The following RPAP2 variants were observed in gnomAD, a reference collection of about 807,000 sequenced individuals.
RPAP2 encodes putative RNA polymerase II subunit B1 CTD phosphatase RPAP2.
In RPAP2, 52 loss-of-function variants were observed where a neutral mutation model predicts 73.1. The ratio of observed to expected loss-of-function variants is 0.71; its 90% confidence interval spans 0.57 to 0.90. The LOEUF (loss-of-function observed/expected upper bound fraction) is 0.90. RPAP2 is among the 40% of genes least tolerant of loss of function. RPAP2 has a pLI of 0.00. For synonymous variants in RPAP2, 225 were observed against 242.1 expected (o/e 0.93, Z 0.65); for missense variants, 598 against 701.8 (o/e 0.85, Z 1.67).
At chr1:92,332,861 C>T (rs1303686075) in intron 8 of RPAP2, among the ~76,000 whole-genome samples, 1 of 152,094 alleles carries the variant, frequency 6.6e-6, no homozygotes, top group Non-Finnish European at 1.5e-5. Flanking sequence ...GGATCTCAGA[C>T]TGTAATTCTT....
Position 92,336,428 on chromosome 1 carries a change from G to A in RPAP2, c.1619+1G>A, listed in dbSNP as rs1653283156. ...TTAAAAATCTTGTTCGAACTTTCAG[G>A]TTAGTGTTTATATTACAATTATCCT... On this transcript the variant is annotated splice_donor_variant, in intron 10 of 12. Transcript: ENST00000610020. LOFTEE classifies it high-confidence loss of function. The A allele has an allele frequency of 6.3e-7, 1 of 1,575,868 alleles. No individual in the cohort carries two copies.
Position 92,396,644 on chromosome 1 carries a change from G to GTA in RPAP2, c.*9634_*9635insAT. The GTA allele has an allele frequency of 6.6e-6, 1 of 151,742 alleles. No homozygotes were observed. The highest frequency in any genetic ancestry group is 2.5e-5 in the African/African-American group (1 of 40,762). 9.4% of individuals were successfully genotyped at this position (151,742 alleles called of 1,614,324 possible). On this transcript the variant is annotated 3_prime_UTR_variant, in exon 13 of 13. Coordinates refer to ENST00000610020, the MANE Select transcript of RPAP2 (RefSeq NM_024813.3). ...TTTTGCACAACTTTTATGTGTGTGT[G>GTA]TGTGTGTGTGTGTGAGATGGAGTTT...
intron 5 of RPAP2, 113 bp from the exon 6 acceptor site, chr1:92,307,075 C>A: frequency 1.4e-6 from 1 of 703,888 alleles, no homozygotes; most frequent in Non-Finnish European, 2.3e-6. Flanking sequence ...GGTGGTAGAT[C>A]TGTAGGTTTC....
At chr1:92,333,211 A>C in intron 8 of RPAP2, 180 bp from the exon 9 acceptor site, 2 of 550,762 alleles carry the variant, frequency 3.6e-6, no homozygotes, top group Non-Finnish European at 6.5e-6. Context: ...GACTCAAAGA[A>C]GTTCACAACA....
chr1:92,341,923 G>A (rs182096531), intron 10 of RPAP2, among the ~76,000 whole-genome samples: 43 of 152,314 alleles, frequency 2.8e-4, no homozygotes, highest in African/African-American at 9.6e-4. Context: ...GATTACAGGC[G>A]TGAGCCAACA....
At chr1:92,321,305 A>G (rs1652243883) in intron 7 of RPAP2, among the ~76,000 whole-genome samples, 1 of 152,150 alleles carries the variant, frequency 6.6e-6, no homozygotes, top group African/African-American at 2.4e-5. Flanking sequence ...AAATTGTTCT[A>G]ATTTTTTTGA....
chr1:92,344,516 G>C (rs933354992), intron 10 of RPAP2, among the ~76,000 whole-genome samples: 3 of 152,100 alleles, frequency 2.0e-5, no homozygotes, highest in African/African-American at 4.8e-5. Flanking sequence ...TTATAAATAT[G>C]CCACAGTTTA....
chr1:92,373,927 A>G (rs1655280586), intron 11 of RPAP2, among the ~76,000 whole-genome samples: 1 of 152,014 alleles, frequency 6.6e-6, no homozygotes, highest in South Asian at 2.1e-4. Context: ...CTCAAAAAAA[A>G]ATAATTAAAG....
At chr1:92,344,392 A>G (rs1653767812) in intron 10 of RPAP2, among the ~76,000 whole-genome samples, 1 of 152,186 alleles carries the variant, frequency 6.6e-6, no homozygotes, top group Non-Finnish European at 1.5e-5. Flanking sequence ...GTGACAGAGC[A>G]AGACTCTGTC....
chr1:92,387,150 A>G lies in RPAP2; in HGVS notation c.*139A>G, dbSNP rs1655897852. On this transcript the variant is annotated 3_prime_UTR_variant, in exon 13 of 13. Coordinates refer to ENST00000610020, the MANE Select transcript of RPAP2 (RefSeq NM_024813.3). ...TTACCTCTTTAAGTTTCAATCTCCC[A>G]TCTCCCAGTCCTTCAGTCCCCAACT... is the stretch of plus-strand genomic sequence containing the variant. The G allele has an allele frequency of 2.5e-6, 2 of 801,638 alleles. No homozygotes were observed. The highest frequency in any genetic ancestry group is 3.5e-5 in the African/African-American group (2 of 57,466). The allele number at this position is 801,638 out of a possible 1,614,324, so 49.7% of individuals were successfully genotyped here.
At chr1:92,330,921 T>G (rs1652927088) in intron 8 of RPAP2, among the ~76,000 whole-genome samples, 1 of 152,156 alleles carries the variant, frequency 6.6e-6, no homozygotes, top group African/African-American at 2.4e-5. Context: ...CCATATTTAC[T>G]GAATGAGAAT....
At chr1:92,373,749 A>AT (rs1557630307) in intron 11 of RPAP2, among the ~76,000 whole-genome samples, 21 of 140,644 alleles carry the variant, frequency 1.5e-4, no homozygotes, top group Non-Finnish European at 1.7e-4. Flanking sequence ...TAAAAAAAAA[A>AT]AAAAAAAAAA....
Position 92,307,134 on chromosome 1 carries a change from T to G in RPAP2, c.400-54T>G, listed in dbSNP as rs78450247. ...TTTATGTTTTATACTCTCAACTGTA[T>G]GTAGGTAATGTTTCATGATAAGAAA... On this transcript the variant is annotated intron_variant, in intron 5 of 12. Coordinates refer to ENST00000610020, the MANE Select transcript of RPAP2 (RefSeq NM_024813.3). The G allele has an allele frequency of 8.8e-4, 1,037 of 1,179,204 alleles. 3 individuals are homozygous for G. Among genetic ancestry groups the G allele is most frequent in the Non-Finnish European group, 1.2e-3 (936 of 801,664 alleles). 73.0% of individuals were successfully genotyped at this position (1,179,204 alleles called of 1,614,324 possible).
At chr1:92,369,013 G>A (rs919319177) in intron 11 of RPAP2, among the ~76,000 whole-genome samples, 3 of 152,170 alleles carry the variant, frequency 2.0e-5, no homozygotes, top group African/African-American at 7.2e-5. Flanking sequence ...CATGTGAGTT[G>A]TTTTCAAATT....
In RPAP2 at chr1:92,299,100, T is replaced by G; in HGVS notation, c.27T>G (p.Ser9=). ...TGGCGGACTTCGCTGGGCCGTCTTC[T>G]GCCGGCCGCAAGGCCGGGGCTCCCC... is the stretch of plus-strand genomic sequence containing the variant. MADFAGPS[S]AGRKAGAPRC... Residue 9 remains serine, a synonymous_variant, in exon 1 of 13, where the codon TCT becomes TCG. Coordinates refer to ENST00000610020, the MANE Select transcript of RPAP2 (RefSeq NM_024813.3). The G allele has an allele frequency of 6.6e-7, 1 of 1,520,280 alleles. No homozygotes were observed. The highest frequency in any genetic ancestry group is 1.2e-5 in the South Asian group (1 of 80,214). The allele number at this position is 1,520,280 out of a possible 1,614,324, so 94.2% of individuals were successfully genotyped here.
chr1:92,363,053 C>T (rs1321422404), intron 11 of RPAP2, among the ~76,000 whole-genome samples: 3 of 152,090 alleles, frequency 2.0e-5, no homozygotes, highest in Non-Finnish European at 4.4e-5. Flanking sequence ...AAAATCTATA[C>T]TCCTTCTCCA....
chr1:92,305,281 A>C (rs1651127859), intron 5 of RPAP2, among the ~76,000 whole-genome samples: 1 of 151,400 alleles, frequency 6.6e-6, no homozygotes, highest in Admixed American at 6.6e-5. Flanking sequence ...AAATACAAAA[A>C]AATTAGCCAA....
At chr1:92,344,227 T>C (rs1653756568) in intron 10 of RPAP2, among the ~76,000 whole-genome samples, 2 of 152,024 alleles carry the variant, frequency 1.3e-5, no homozygotes, top group African/African-American at 2.4e-5. Flanking sequence ...CTGGGCAACA[T>C]AGTGAAAGCC....
intron 9 of RPAP2, among the ~76,000 whole-genome samples, chr1:92,333,866 G>A (rs1173652239): frequency 6.6e-6 from 1 of 152,192 alleles, no homozygotes; most frequent in African/African-American, 2.4e-5. Context: ...GGTCTGTTAA[G>A]TCACTCTGCA....
Sources: gnomAD v4.1 joint callset for allele counts (sites outside exome capture counted in the v4.1 genomes callset) on GRCh38, gnomAD v4.1.1 for gene constraint, MANE v1.5 for transcripts, NCBI Gene and HGNC (gene_info 2026-07-23, HGNC 2026-07-21) for gene names.